Variants in RIN2 observed in about 807,000 individuals in gnomAD.
RIN2 encodes RAB5 interacting protein 2.
Under a neutral mutation model 78.0 loss-of-function variants are expected in RIN2, and 36 were observed. The observed-to-expected ratio is 0.46, with a 90% confidence interval of 0.35 to 0.61. RIN2 has a LOEUF of 0.61. Ranked by LOEUF, RIN2 falls within the 20% of genes least tolerant of loss-of-function variation. The pLI is 0.00. For missense variants in RIN2, 1,087 were observed against 1,159.7 expected (o/e 0.94, Z 0.91); for synonymous variants, 466 against 466.8 (o/e 1.00, Z 0.02).
intron 2 of RIN2, among the ~76,000 whole-genome samples, chr20:19,810,905 G>C (rs2035577951): frequency 6.7e-6 from 1 of 149,578 alleles, no homozygotes; most frequent in Non-Finnish European, 1.5e-5. Flanking sequence ...TAGAGACAGG[G>C]TTTCACCGTG....
At chr20:19,764,145 GT>G (rs2033767267) in intron 1 of RIN2, among the ~76,000 whole-genome samples, 1 of 151,932 alleles carries the variant, frequency 6.6e-6, no homozygotes, top group African/African-American at 2.4e-5. Flanking sequence ...ATTTTATTTG[GT>G]AGATCAGGAA....
intron 2 of RIN2, among the ~76,000 whole-genome samples, chr20:19,830,486 C>T (rs1416614214): frequency 1.3e-5 from 2 of 152,162 alleles, no homozygotes; most frequent in African/African-American, 4.8e-5. Flanking sequence ...AGCCACAAGC[C>T]TCAGCCCTTT....
intron 3 of RIN2, chr20:19,934,709 G>C: frequency 1.5e-6 from 1 of 685,864 alleles, no homozygotes; most frequent in Non-Finnish European, 1.8e-6. Context: ...GGGTTCCTTT[G>C]GAGGGTTTCC....
intron 2 of RIN2, among the ~76,000 whole-genome samples, chr20:19,836,909 A>C (rs891269964): frequency 6.6e-6 from 1 of 152,216 alleles, no homozygotes; most frequent in Non-Finnish European, 1.5e-5. Flanking sequence ...ACAAAAATGC[A>C]TCAGAGTCTT....
At chr20:19,970,477 C>G (rs1459005019) in intron 7 of RIN2, among the ~76,000 whole-genome samples, 2 of 152,220 alleles carry the variant, frequency 1.3e-5, no homozygotes, top group African/African-American at 2.4e-5. Flanking sequence ...CCAACATTCA[C>G]ATAGGCATGC....
chr20:19,777,072 G>C (rs1389554289), intron 1 of RIN2, among the ~76,000 whole-genome samples: 1 of 152,234 alleles, frequency 6.6e-6, no homozygotes, highest in Non-Finnish European at 1.5e-5. Context: ...GGAAGGAGGA[G>C]GTGTTCAGGG....
chr20:19,918,264 A>C (rs2039764868), intron 3 of RIN2, among the ~76,000 whole-genome samples: 1 of 151,962 alleles, frequency 6.6e-6, no homozygotes, highest in South Asian at 2.1e-4. Flanking sequence ...CTCCCACCCA[A>C]GGCCAAGGTC....
chr20:19,790,989 C>T (rs777640792), intron 1 of RIN2, among the ~76,000 whole-genome samples: 1 of 152,196 alleles, frequency 6.6e-6, no homozygotes, highest in Non-Finnish European at 1.5e-5. Context: ...CTGCTTTAAA[C>T]CAAGTGGTTC....
intron 1 of RIN2, among the ~76,000 whole-genome samples, chr20:19,799,098 A>G (rs2035163467): frequency 6.6e-6 from 1 of 152,002 alleles, no homozygotes; most frequent in Non-Finnish European, 1.5e-5. Flanking sequence ...ACGGGATTTC[A>G]CCATGTTGCC....
chr20:19,868,479 C>T (rs754281373), intron 2 of RIN2, among the ~76,000 whole-genome samples: 3 of 152,126 alleles, frequency 2.0e-5, no homozygotes, highest in African/African-American at 7.2e-5. Flanking sequence ...CTTACAGATT[C>T]GCTCCTGAAT....
chr20:19,989,291 T>G (rs1157340111), intron 9 of RIN2, among the ~76,000 whole-genome samples: 1 of 122,828 alleles, frequency 8.1e-6, no homozygotes, highest in Non-Finnish European at 1.8e-5. Flanking sequence ...TTTTTTTTTT[T>G]GAGATGGAGT....
intron 2 of RIN2, among the ~76,000 whole-genome samples, chr20:19,879,758 A>C (rs768301990): frequency 5.9e-5 from 9 of 152,140 alleles, no homozygotes; most frequent in Non-Finnish European, 1.3e-4. Context: ...CTAGAATTCC[A>C]ATTTGTGCAA....
chr20:19,778,781 C>T (rs73291547), intron 1 of RIN2, among the ~76,000 whole-genome samples: 9,148 of 152,064 alleles, frequency 0.06, 977 homozygotes, highest in African/African-American at 0.21. Flanking sequence ...TCTGGGACCT[C>T]GGAGGGCCCT....
chr20:19,909,754 C>A (rs1234594218), intron 3 of RIN2, among the ~76,000 whole-genome samples: 1 of 152,236 alleles, frequency 6.6e-6, no homozygotes, highest in African/African-American at 2.4e-5. Flanking sequence ...GAGCTAGTTT[C>A]AGGCCAGGTC....
chr20:19,778,212 A>T (rs1412707627), intron 1 of RIN2, among the ~76,000 whole-genome samples: 1 of 152,226 alleles, frequency 6.6e-6, no homozygotes, highest in Non-Finnish European at 1.5e-5. Context: ...TAGGGTTCAG[A>T]CAAGATGGCA....
chr20:19,982,290 G>A (rs536799319), intron 9 of RIN2, among the ~76,000 whole-genome samples: 7 of 152,308 alleles, frequency 4.6e-5, no homozygotes, highest in Non-Finnish European at 1.0e-4. Flanking sequence ...GCTGGGAAAG[G>A]TCATCTTCTT....
chr20:19,917,969 A>G (rs939031368), intron 3 of RIN2, among the ~76,000 whole-genome samples: 1 of 152,224 alleles, frequency 6.6e-6, no homozygotes, highest in Non-Finnish European at 1.5e-5. Flanking sequence ...GCTGAATCCA[A>G]CAGTTTTCAT....
intron 4 of RIN2, among the ~76,000 whole-genome samples, chr20:19,937,514 G>T (rs2040696611): frequency 6.6e-6 from 1 of 152,214 alleles, no homozygotes; most frequent in African/African-American, 2.4e-5. Context: ...TGGAATACCA[G>T]ATTAAGCACC....
intron 2 of RIN2, among the ~76,000 whole-genome samples, chr20:19,804,659 A>ATTT (rs201553913): frequency 6.6e-6 from 1 of 151,734 alleles, no homozygotes; most frequent in Non-Finnish European, 1.5e-5. Context: ...CTGAAGTTTT[A>ATTT]TTTTTTTGTT....
Sources: gnomAD v4.1 joint callset for allele counts (sites outside exome capture counted in the v4.1 genomes callset) on GRCh38, gnomAD v4.1.1 for gene constraint, MANE v1.5 for transcripts, NCBI Gene and HGNC (gene_info 2026-07-23, HGNC 2026-07-21) for gene names.